The following CCN4 variants were observed in gnomAD, a reference collection of about 807,000 sequenced individuals.
CCN4 encodes the protein cellular communication network factor 4.
CCN4 carries 30 observed loss-of-function variants against 36.7 expected under a neutral mutation model. The observed-to-expected ratio is 0.82, with a 90% confidence interval of 0.61 to 1.11. The LOEUF is 1.11. Ranked by LOEUF, CCN4 falls within the 50% of genes least tolerant of loss-of-function variation. The pLI, the probability that CCN4 is intolerant of heterozygous loss-of-function variation, is 0.00. For missense variants in CCN4, 505 were observed against 504.9 expected (o/e 1.00, Z 0.00); for synonymous variants, 191 against 195.4 (o/e 0.98, Z 0.19).
intron 3 of CCN4, among the ~76,000 whole-genome samples, chr8:133,224,740 G>A (rs1180884717): frequency 6.6e-6 from 1 of 152,118 alleles, no homozygotes; most frequent in East Asian, 2.0e-4. Flanking sequence ...TTTGAGACCA[G>A]CCTGACCAAC....
chr8:133,207,362 C>G (rs1012213401), intron 1 of CCN4, among the ~76,000 whole-genome samples: 1 of 152,244 alleles, frequency 6.6e-6, no homozygotes, highest in African/African-American at 2.4e-5. Flanking sequence ...CAGGTACCCC[C>G]ACATGGGGAT....
At chr8:133,206,064 G>A (rs572751236) in intron 1 of CCN4, among the ~76,000 whole-genome samples, 2 of 152,290 alleles carry the variant, frequency 1.3e-5, no homozygotes, top group South Asian at 4.1e-4. Flanking sequence ...AGCACCACAG[G>A]TGCGGCATGG....
chr8:133,204,285 T>A (rs141131965), intron 1 of CCN4, among the ~76,000 whole-genome samples: 2 of 152,318 alleles, frequency 1.3e-5, no homozygotes, highest in South Asian at 4.1e-4. Flanking sequence ...GTCACCCTGA[T>A]GAATCACAGA....
intron 2 of CCN4, among the ~76,000 whole-genome samples, chr8:133,219,353 T>A (rs529702008): frequency 2.6e-3 from 394 of 152,102 alleles, no homozygotes; most frequent in African/African-American, 9.3e-3. Flanking sequence ...AGTGGGCCCC[T>A]CCCTACCTGG....
chr8:133,199,868 T>A (rs1261964765), intron 1 of CCN4, among the ~76,000 whole-genome samples: 2 of 152,106 alleles, frequency 1.3e-5, no homozygotes, highest in Non-Finnish European at 2.9e-5. Context: ...GCGAGCCCCT[T>A]CCCACAGGTC....
At chr8:133,198,737 G>A (rs371337683) in intron 1 of CCN4, among the ~76,000 whole-genome samples, 23 of 152,156 alleles carry the variant, frequency 1.5e-4, no homozygotes, top group South Asian at 6.2e-4. Flanking sequence ...GAAACACGTC[G>A]CCCAGCTGGG....
intron 2 of CCN4, among the ~76,000 whole-genome samples, chr8:133,217,038 C>T (rs1207976879): frequency 6.6e-6 from 1 of 152,140 alleles, no homozygotes; most frequent in Non-Finnish European, 1.5e-5. Context: ...AGCTGGAATC[C>T]CAGCATCATC....
At position 133,194,981 on chromosome 8, in the gene CCN4, A is replaced by T. The variant is rs554776148; in HGVS notation, c.69+3768A>T. ...GTGTATGTGTGTGGTGTGTGTGTTG[A>T]GTGTGTATGTGGTTTGTGTGTGTGT... On this transcript the variant is annotated intron_variant, in intron 1 of 4. Coordinates refer to ENST00000250160, the MANE Select transcript of CCN4 (RefSeq NM_003882.4). 4.4e-4 allele frequency among the ~76,000 whole-genome samples: 35 copies of T among 79,418 alleles called. 1 individual carries two copies. The East Asian group carries it at 8.8e-3, about 20-fold the overall frequency. The allele number at this position is 79,418 out of a possible 152,430, so 52.1% of individuals were successfully genotyped here.
intron 1 of CCN4, among the ~76,000 whole-genome samples, chr8:133,203,125 C>G (rs1268345712): frequency 6.6e-6 from 1 of 152,226 alleles, no homozygotes; most frequent in Non-Finnish European, 1.5e-5. Flanking sequence ...AAGCCAAGGC[C>G]TCCGACCGTC....
Position 133,191,225 on chromosome 8 carries a change from C to A in CCN4, c.69+12C>A. 1 of 1,603,722 alleles carries A rather than the reference C, an allele frequency of 6.2e-7. No homozygotes were observed. Among genetic ancestry groups the A allele is most frequent in the Non-Finnish European group, 8.5e-7 (1 of 1,178,886 alleles). ...CCGTCCTGGCCACGGTGAGTCCTGC[C>A]TGGAGGGGCTCAGAGGGAGACCCAG... On this transcript the variant is annotated intron_variant, in intron 1 of 4. Transcript: ENST00000250160.
chr8:133,202,869 G>A (rs2977530), intron 1 of CCN4, among the ~76,000 whole-genome samples: 52,563 of 152,156 alleles, frequency 0.35, 9,527 homozygotes, highest in East Asian at 0.51. Context: ...TTTGTTACCT[G>A]TGGCTGACTC....
At chr8:133,199,216 C>G (rs949012789) in intron 1 of CCN4, among the ~76,000 whole-genome samples, 2 of 152,208 alleles carry the variant, frequency 1.3e-5, no homozygotes, top group African/African-American at 2.4e-5. Context: ...AGACTGGGGT[C>G]TCTGCAGGCT....
chr8:133,218,440 T>C (rs1854406133), intron 2 of CCN4, among the ~76,000 whole-genome samples: 1 of 152,220 alleles, frequency 6.6e-6, no homozygotes, highest in Non-Finnish European at 1.5e-5. Context: ...TTCACCTTGC[T>C]GAGACTTTGT....
intron 1 of CCN4, among the ~76,000 whole-genome samples, chr8:133,192,847 A>C (rs1339822373): frequency 6.6e-6 from 1 of 152,214 alleles, no homozygotes; most frequent in Non-Finnish European, 1.5e-5. Context: ...GGAGGAGTGA[A>C]GGACAGAGCC....
intron 1 of CCN4, among the ~76,000 whole-genome samples, chr8:133,195,828 C>T (rs548498001): frequency 6.6e-6 from 1 of 152,348 alleles, no homozygotes; most frequent in South Asian, 2.1e-4. Flanking sequence ...CACCCACATG[C>T]CAGGAGGCTG....
At chr8:133,198,800 C>T (rs1283063802) in intron 1 of CCN4, among the ~76,000 whole-genome samples, 1 of 152,240 alleles carries the variant, frequency 6.6e-6, no homozygotes, top group African/African-American at 2.4e-5. Flanking sequence ...CTCCCCCTAC[C>T]CTCCTGCAAA....
At chr8:133,196,622 T>TC (rs1175784939) in intron 1 of CCN4, among the ~76,000 whole-genome samples, 1 of 152,220 alleles carries the variant, frequency 6.6e-6, no homozygotes, top group African/African-American at 2.4e-5. Context: ...TCCCAGTGTC[T>TC]CCACTTACAG....
In CCN4 at chr8:133,220,679, G is replaced by C. The variant is rs764263981; in HGVS notation, c.448G>C (p.Ala150Pro). The C allele has an allele frequency of 1.9e-6, 3 of 1,614,010 alleles. No individual in the cohort carries two copies. Among genetic ancestry groups the C allele is most frequent in the Non-Finnish European group, 2.5e-6 (3 of 1,179,976 alleles). Residue 150 changes from alanine to proline, a missense_variant, in exon 3 of 5, where the codon GCG becomes CCG. Transcript: ENST00000250160. ...GTACAACTGCACGTGCATCGACGGC[G>C]CGGTGGGCTGCACACCACTGTGCCT... ...CKYNCTCIDG[A>P]VGCTPLCLRV... is the part of the protein sequence containing the mutation.
At chr8:133,195,131 T>G (rs1388444382) in intron 1 of CCN4, among the ~76,000 whole-genome samples, 1 of 146,686 alleles carries the variant, frequency 6.8e-6, no homozygotes, top group African/African-American at 2.5e-5. Flanking sequence ...GTGTATGGTG[T>G]GAGCATGTTT....
Sources: allele counts gnomAD v4.1 joint callset (sites outside exome capture counted in the v4.1 genomes callset), GRCh38; gene constraint gnomAD v4.1.1; transcripts MANE v1.5; gene names NCBI Gene and HGNC (gene_info 2026-07-23, HGNC 2026-07-21).